Variants in TBC1D4 observed in about 807,000 individuals in gnomAD.
TBC1D4 encodes TBC1 domain family member 4.
A neutral mutation model predicts 142.5 loss-of-function variants in TBC1D4; 121 were observed. That is an observed-to-expected ratio of 0.85 (90% CI 0.73 to 0.99). The LOEUF (loss-of-function observed/expected upper bound fraction) is 0.99. Among genes scored for constraint, TBC1D4 ranks in the 50% least tolerant of loss-of-function variants. The pLI, the probability that TBC1D4 is intolerant of heterozygous loss-of-function variation, is 0.00. For synonymous variants in TBC1D4, 630 were observed against 628.2 expected (o/e 1.00, Z -0.04); for missense variants, 1,475 against 1,606.6 (o/e 0.92, Z 1.40).
intron 15 of TBC1D4, among the ~76,000 whole-genome samples, chr13:75,304,590 G>A (rs574371351): frequency 2.0e-4 from 31 of 152,226 alleles, no homozygotes; most frequent in East Asian, 7.7e-4. Flanking sequence ...GATTTTGGTC[G>A]GGGGGCAGGG....
chr13:75,293,896 A>G (rs1243391602), intron 18 of TBC1D4, among the ~76,000 whole-genome samples: 1 of 152,166 alleles, frequency 6.6e-6, no homozygotes, highest in Admixed American at 6.5e-5. Flanking sequence ...CATTTTTTCA[A>G]ACACTGGCAA....
intron 1 of TBC1D4, among the ~76,000 whole-genome samples, chr13:75,378,419 T>C (rs1883638029): frequency 6.6e-6 from 1 of 152,122 alleles, no homozygotes; most frequent in African/African-American, 2.4e-5. Context: ...GAACTAATTA[T>C]CTAAACAATG....
At chr13:75,424,010 C>T (rs774560669) in intron 1 of TBC1D4, among the ~76,000 whole-genome samples, 2 of 152,224 alleles carry the variant, frequency 1.3e-5, no homozygotes, top group African/African-American at 4.8e-5. Flanking sequence ...ATGAGTCGCA[C>T]GCTCATGCCT....
chr13:75,297,772 C>A (rs200241351), intron 17 of TBC1D4, among the ~76,000 whole-genome samples: 11 of 133,166 alleles, frequency 8.3e-5, no homozygotes, highest in South Asian at 2.3e-4. Flanking sequence ...AAAAAAAAAA[C>A]GATAAAAAGA....
At chr13:75,405,418 C>T (rs1186517837) in intron 1 of TBC1D4, among the ~76,000 whole-genome samples, 6 of 151,928 alleles carry the variant, frequency 3.9e-5, no homozygotes, top group African/African-American at 1.5e-4. Context: ...TACAGGTGCA[C>T]GCTGCCATAC....
At chr13:75,438,246 AAAC>A (rs1886878964) in intron 1 of TBC1D4, among the ~76,000 whole-genome samples, 1 of 152,162 alleles carries the variant, frequency 6.6e-6, no homozygotes, top group African/African-American at 2.4e-5. Flanking sequence ...ATAACTGATA[AAAC>A]AATAAAGCAA....
intron 1 of TBC1D4, among the ~76,000 whole-genome samples, chr13:75,400,571 C>A (rs1885037290): frequency 1.3e-5 from 2 of 151,584 alleles, no homozygotes; most frequent in South Asian, 4.2e-4. Context: ...GATTCTCCTG[C>A]CTCAGCCTCC....
chr13:75,385,690 G>T (rs763733007), intron 1 of TBC1D4, among the ~76,000 whole-genome samples: 2 of 152,148 alleles, frequency 1.3e-5, no homozygotes, highest in Non-Finnish European at 2.9e-5. Context: ...TACGTGCTGG[G>T]CACTGTTCTA....
chr13:75,404,166 T>A (rs1257640935), intron 1 of TBC1D4, among the ~76,000 whole-genome samples: 1 of 152,154 alleles, frequency 6.6e-6, no homozygotes, highest in African/African-American at 2.4e-5. Flanking sequence ...CTAGATTTTT[T>A]AAAAAGATGG....
intron 15 of TBC1D4, among the ~76,000 whole-genome samples, chr13:75,305,228 G>A (rs931947811): frequency 2.0e-5 from 3 of 152,204 alleles, no homozygotes; most frequent in South Asian, 2.1e-4. Flanking sequence ...ACGTGGAACT[G>A]TGAGTCCATA....
At chr13:75,340,988 TG>T in intron 7 of TBC1D4, 136 bp downstream of exon 7, 1 of 736,710 alleles carries the variant, frequency 1.4e-6, no homozygotes. Context: ...ATTAAAATGC[TG>T]GGCGGGGGAG....
chr13:75,326,243 C>T lies in TBC1D4; in HGVS notation c.1987G>A (p.Gly663Ser). 4 of 1,614,136 alleles carry T rather than the reference C, an allele frequency of 2.5e-6. No individual in the cohort carries two copies. The highest frequency in any genetic ancestry group is 4.5e-5 in the East Asian group (2 of 44,868). Reference protein sequence around the residue: ...KLNLQDGRAQGVRSPLLRQSS... With the variant: ...KLNLQDGRAQSVRSPLLRQSS... ...TGCCTCAGCAGAGGGGAACGCACAC[C>T]CTGAGCCCTCCCATCCTGCAAATTC... The change falls in exon 10 of 21, where the codon GGT (glycine) becomes AGT (serine). Residue 663 changes from glycine to serine, a missense_variant. Physicochemically the swap from Gly to Ser is moderately conservative, Grantham distance 56 (BLOSUM62 0). This residue lies in a region of TBC1D4 where 1,227 missense variants were observed against 1,267.7 expected (regional missense o/e 0.97). Transcript: ENST00000377636.
chr13:75,463,813 C>T (rs946521335), intron 1 of TBC1D4, among the ~76,000 whole-genome samples: 9 of 152,076 alleles, frequency 5.9e-5, no homozygotes, highest in Non-Finnish European at 1.3e-4. Context: ...TCCCACATTC[C>T]CCCAACCAGC....
chr13:75,308,362 G>A (rs1877390427), intron 14 of TBC1D4, among the ~76,000 whole-genome samples: 1 of 152,132 alleles, frequency 6.6e-6, no homozygotes, highest in Non-Finnish European at 1.5e-5. Flanking sequence ...GAGAAATACT[G>A]TGGGGTGCTG....
chr13:75,326,827 A>G (rs1358477779), intron 9 of TBC1D4, among the ~76,000 whole-genome samples: 1 of 152,178 alleles, frequency 6.6e-6, no homozygotes, highest in African/African-American at 2.4e-5. Context: ...AAGAGGGTGG[A>G]GTCTGTGTTT....
intron 1 of TBC1D4, among the ~76,000 whole-genome samples, chr13:75,368,610 T>A (rs1450995805): frequency 6.6e-6 from 1 of 152,238 alleles, no homozygotes. Context: ...TCACTGCTTC[T>A]CCAGTTGAAT....
At chr13:75,445,327 T>C (rs1285176171) in intron 1 of TBC1D4, among the ~76,000 whole-genome samples, 1 of 152,228 alleles carries the variant, frequency 6.6e-6, no homozygotes, top group Non-Finnish European at 1.5e-5. Context: ...GAATAATTAA[T>C]GTCTCAAAAT....
intron 1 of TBC1D4, among the ~76,000 whole-genome samples, chr13:75,455,444 A>G (rs1887693783): frequency 6.6e-6 from 1 of 152,162 alleles, no homozygotes; most frequent in Non-Finnish European, 1.5e-5. Context: ...CAGGACACAA[A>G]ACAAAAAATT....
chr13:75,452,344 T>C (rs1887567462), intron 1 of TBC1D4, among the ~76,000 whole-genome samples: 1 of 152,200 alleles, frequency 6.6e-6, no homozygotes, highest in Non-Finnish European at 1.5e-5. Flanking sequence ...GAAAGCTGCA[T>C]GTATCCAGAA....
Sources: allele counts gnomAD v4.1 joint callset (sites outside exome capture counted in the v4.1 genomes callset), GRCh38; gene constraint gnomAD v4.1.1; regional missense constraint gnomAD v4.1.1; transcripts MANE v1.5; gene names NCBI Gene and HGNC (gene_info 2026-07-23, HGNC 2026-07-21).